Variants in BMPR2 observed in about 807,000 individuals in gnomAD.
BMPR2 encodes the protein bone morphogenetic protein receptor type 2.
A neutral mutation model predicts 100.8 loss-of-function variants in BMPR2; 29 were observed. That is an observed-to-expected ratio of 0.29 (90% CI 0.21 to 0.39). The LOEUF (loss-of-function observed/expected upper bound fraction) is 0.39. Among genes scored for constraint, BMPR2 ranks in the 10% least tolerant of loss-of-function variants. The probability of loss-of-function intolerance (pLI) is 1.00; values close to 1 mark genes in which losing one functional copy is unlikely to be tolerated. For synonymous variants in BMPR2, 382 were observed against 442.3 expected (o/e 0.86, Z 1.71); for missense variants, 1,011 against 1,274.5 (o/e 0.79, Z 3.15).
At chr2:202,488,672 A>G (rs1470247086) in intron 3 of BMPR2, among the ~76,000 whole-genome samples, 3 of 152,078 alleles carry the variant, frequency 2.0e-5, no homozygotes, top group Admixed American at 6.6e-5. Flanking sequence ...GCTTCAAGCA[A>G]TCCTCCTGCC....
rs1693015724 is a variant in BMPR2, at chr2:202,495,891, AAC to A, written c.419-17827_419-17826del. Among the ~76,000 whole-genome samples the A allele has an allele frequency of 6.6e-6, 1 of 152,250 alleles. No individual in the cohort carries two copies. Among genetic ancestry groups the A allele is most frequent in the Non-Finnish European group, 1.5e-5 (1 of 68,046 alleles). On this transcript the variant is annotated intron_variant, in intron 3 of 12. Transcript: ENST00000374580. This position sits in a 1 kb window ranked among gnomAD's most constrained non-coding sequence, Gnocchi z 4.5. ...AGCAAAGAATGCTGAGCCTTCAAAA[AAC>A]TGTATGAGAAGACTCATTATACAGA...
Position 202,510,707 on chromosome 2 carries a change from G to A in BMPR2, c.419-3012G>A, listed in dbSNP as rs531274566. Among the ~76,000 whole-genome samples, 24 of 152,068 alleles carry A rather than the reference G, an allele frequency of 1.6e-4. No individual in the cohort carries two copies. The South Asian group carries it at 5.0e-3, about 32-fold the overall frequency. On this transcript the variant is annotated intron_variant, in intron 3 of 12. Coordinates refer to ENST00000374580, the MANE Select transcript of BMPR2 (RefSeq NM_001204.7). ...TTTGTTTGTTTGCTTTTGAGACGGAGTCTTGCTTTCTCACCCAGGCTGGAG... is the reference window on the plus strand; with the variant it reads ...TTTGTTTGTTTGCTTTTGAGACGGAATCTTGCTTTCTCACCCAGGCTGGAG...
At chr2:202,486,593 C>T in intron 3 of BMPR2, among the ~76,000 whole-genome samples, 1 of 149,396 alleles carries the variant, frequency 6.7e-6, no homozygotes, top group East Asian at 2.0e-4. Flanking sequence ...GATCGCATCA[C>T]TGCACCTGGG....
chr2:202,405,537 A>T (rs568960997), intron 1 of BMPR2, among the ~76,000 whole-genome samples: 5 of 151,962 alleles, frequency 3.3e-5, no homozygotes, highest in South Asian at 2.1e-4. Context: ...AAATACAAAA[A>T]ATTAGATGGG....
chr2:202,458,777 C>A (rs760836216), intron 1 of BMPR2, among the ~76,000 whole-genome samples: 1 of 152,148 alleles, frequency 6.6e-6, no homozygotes, highest in African/African-American at 2.4e-5. Flanking sequence ...AGCAAACTTA[C>A]TTATAATTAC....
At chr2:202,441,545 A>G (rs1173653656) in intron 1 of BMPR2, among the ~76,000 whole-genome samples, 1 of 146,594 alleles carries the variant, frequency 6.8e-6, no homozygotes, top group Admixed American at 6.7e-5. Flanking sequence ...TCTACTAAAA[A>G]AAAAAAACAA....
chr2:202,377,514 C>G lies in BMPR2; in HGVS notation c.40C>G (p.Leu14Val), dbSNP rs760946823. The change falls in exon 1 of 13, where the codon CTA becomes GTA. Residue 14 changes from leucine to valine, a missense_variant. Physicochemically the swap from Leu to Val is conservative, Grantham distance 32. Transcript: ENST00000374580. ...SLQRPWRVPW[L>V]PWTILLVSTA... Reference sequence around the variant, plus strand: ...GCAGCGGCCCTGGCGGGTGCCCTGGCTACCATGGACCATCCTGCTGGTCAG... The same window carrying G: ...GCAGCGGCCCTGGCGGGTGCCCTGGGTACCATGGACCATCCTGCTGGTCAG... 6.2e-7 allele frequency: 1 copy of G among 1,614,140 alleles called. No individual in the cohort carries two copies. Among genetic ancestry groups the G allele is most frequent in the Non-Finnish European group, 8.5e-7 (1 of 1,180,050 alleles).
chr2:202,511,275 G>T (rs1476562143), intron 3 of BMPR2, among the ~76,000 whole-genome samples: 2 of 152,112 alleles, frequency 1.3e-5, no homozygotes, highest in South Asian at 2.1e-4. Context: ...TAAATCCTTT[G>T]TAGGAATATA....
chr2:202,449,351 T>TA (rs1012578297), intron 1 of BMPR2, among the ~76,000 whole-genome samples: 16 of 143,526 alleles, frequency 1.1e-4, no homozygotes, highest in African/African-American at 3.3e-4. Flanking sequence ...AAATAAATAA[T>TA]AAAAAAATAA....
intron 1 of BMPR2, among the ~76,000 whole-genome samples, chr2:202,404,092 T>G (rs1268426237): frequency 6.6e-6 from 1 of 152,052 alleles, no homozygotes; most frequent in Admixed American, 6.6e-5. Flanking sequence ...TTTACCAAAT[T>G]TGTAAGTCTT....
Position 202,536,951 on chromosome 2 carries a change from G to A in BMPR2, c.1276+4219G>A, listed in dbSNP as rs548055989. Among the ~76,000 whole-genome samples the A allele has an allele frequency of 2.0e-4, 31 of 152,096 alleles. 1 individual carries two copies. The highest frequency in any genetic ancestry group is 1.8e-3 in the Admixed American group (27 of 15,270). On this transcript the variant is annotated intron_variant, in intron 9 of 12. Transcript: ENST00000374580. ...GTCTCACTCCTGCCCAGGCCGGAGT[G>A]CAGTAGTGCAATCATAGCTCACTGC...
intron 1 of BMPR2, among the ~76,000 whole-genome samples, chr2:202,397,662 C>T (rs538167967): frequency 6.6e-6 from 1 of 151,624 alleles, no homozygotes; most frequent in East Asian, 1.9e-4. Flanking sequence ...CCACGCCCAC[C>T]TAATTTAAAA....
rs537537376 is a variant in BMPR2 at position 202,526,707 on chromosome 2, G to C, written c.968-4087G>C. 6.6e-5 allele frequency among the ~76,000 whole-genome samples: 10 copies of C among 152,250 alleles called. No homozygotes were observed. In the South Asian group the frequency reaches 2.1e-3, roughly 32 times the overall value. On this transcript the variant is annotated intron_variant, in intron 7 of 12. Transcript: ENST00000374580. ...TTAGCAAGGTTTCAAGTCAAATGTA[G>C]GCTGAAAAGAATGATTGCCATCAGA... is the stretch of plus-strand genomic sequence containing the variant.
chr2:202,391,140 C>A (rs1264302210), intron 1 of BMPR2, among the ~76,000 whole-genome samples: 2 of 151,492 alleles, frequency 1.3e-5, no homozygotes, highest in Admixed American at 6.6e-5. Flanking sequence ...CCACCCCCAG[C>A]TAATTTTGTA....
intron 1 of BMPR2, among the ~76,000 whole-genome samples, chr2:202,388,594 C>T (rs1318263495): frequency 6.6e-6 from 1 of 151,414 alleles, no homozygotes; most frequent in Admixed American, 6.6e-5. Context: ...ACTAGCCTGG[C>T]TAACACGGTG....
At chr2:202,542,001 C>T (rs779536580) in intron 9 of BMPR2, among the ~76,000 whole-genome samples, 6 of 151,740 alleles carry the variant, frequency 4.0e-5, no homozygotes, top group Non-Finnish European at 8.8e-5. Flanking sequence ...ATCCAAGCTA[C>T]TCGGGAGGCT....
chr2:202,556,972 G>T (rs566437159), intron 12 of BMPR2, among the ~76,000 whole-genome samples: 2 of 150,074 alleles, frequency 1.3e-5, no homozygotes, highest in African/African-American at 4.9e-5. Context: ...AATCCCAGCC[G>T]AGATCACGAC....
At chr2:202,397,335 A>G (rs760440752) in intron 1 of BMPR2, among the ~76,000 whole-genome samples, 2 of 152,170 alleles carry the variant, frequency 1.3e-5, no homozygotes, top group Non-Finnish European at 2.9e-5. Flanking sequence ...CAGTACATAC[A>G]TTATACAGAA....
chr2:202,398,253 A>G (rs903191519), intron 1 of BMPR2, among the ~76,000 whole-genome samples: 1 of 152,228 alleles, frequency 6.6e-6, no homozygotes, highest in Non-Finnish European at 1.5e-5. Context: ...TAAAGGTTCA[A>G]TGAGATATCA....
Sources: allele counts gnomAD v4.1 joint callset (sites outside exome capture counted in the v4.1 genomes callset), GRCh38; gene constraint gnomAD v4.1.1; non-coding constraint Gnocchi (gnomAD v3.1); transcripts MANE v1.5; gene names NCBI Gene and HGNC (gene_info 2026-07-23, HGNC 2026-07-21).